VPS41: variants seen among roughly 807,000 people sequenced by gnomAD.
VPS41 encodes vacuolar protein sorting-associated protein 41 homolog.
Under a neutral mutation model 130.9 loss-of-function variants are expected in VPS41, and 85 were observed. That is an observed-to-expected ratio of 0.65 (90% CI 0.55 to 0.78). VPS41 has a LOEUF of 0.78. Among genes scored for constraint, VPS41 ranks in the 30% least tolerant of loss-of-function variants. The pLI is 0.00. For synonymous variants in VPS41, 335 were observed against 332.9 expected, an observed-to-expected ratio of 1.01 and a Z score of -0.07; for missense variants, 874 against 1,018.7, an observed-to-expected ratio of 0.86 and a Z score of 1.93.
At chr7:38,878,725 A>T (rs1786541202) in intron 2 of VPS41, among the ~76,000 whole-genome samples, 1 of 152,152 alleles carries the variant, frequency 6.6e-6, no homozygotes, top group African/African-American at 2.4e-5. Flanking sequence ...AAAGTTCAAC[A>T]CTTGTTTCTG....
At chr7:38,803,555 A>G (rs1262795086) in intron 7 of VPS41, among the ~76,000 whole-genome samples, 1 of 152,258 alleles carries the variant, frequency 6.6e-6, no homozygotes, top group Non-Finnish European at 1.5e-5. Context: ...AAATAGAGAA[A>G]TAGAGAATAG....
At chr7:38,855,517 G>T (rs1166082522) in intron 4 of VPS41, among the ~76,000 whole-genome samples, 3 of 152,148 alleles carry the variant, frequency 2.0e-5, no homozygotes, top group African/African-American at 4.8e-5. Flanking sequence ...GGAGAAAAAT[G>T]AAACCATCAT....
At chr7:38,844,222 A>T (rs1213693679) in intron 4 of VPS41, among the ~76,000 whole-genome samples, 1 of 152,234 alleles carries the variant, frequency 6.6e-6, no homozygotes, top group Non-Finnish European at 1.5e-5. Flanking sequence ...CTTCCCAGTG[A>T]TTTCAAACTA....
chr7:38,884,194 G>T (rs1786671554), intron 2 of VPS41, among the ~76,000 whole-genome samples: 1 of 152,194 alleles, frequency 6.6e-6, no homozygotes, highest in Non-Finnish European at 1.5e-5. Flanking sequence ...GATTTAAAAA[G>T]CTATCTCCTG....
intron 10 of VPS41, among the ~76,000 whole-genome samples, chr7:38,783,483 G>A (rs920299141): frequency 3.3e-5 from 5 of 152,032 alleles, no homozygotes; most frequent in African/African-American, 9.7e-5. Context: ...ACAGTGAGCC[G>A]AGATTGTGCC....
intron 7 of VPS41, among the ~76,000 whole-genome samples, chr7:38,797,619 C>T (rs2189853): frequency 0.72 from 108,844 of 152,102 alleles, 40,628 homozygotes; most frequent in African/African-American, 0.91. Flanking sequence ...TAACTTAAGG[C>T]ATGCAATCCT....
chr7:38,758,516 A>G, intron 17 of VPS41, 35 bp from the exon 18 acceptor site: 1 of 1,593,330 alleles, frequency 6.3e-7, no homozygotes, highest in Non-Finnish European at 8.5e-7. Flanking sequence ...AAGAACACTC[A>G]TTCAACAGAA....
intron 2 of VPS41, among the ~76,000 whole-genome samples, chr7:38,887,011 T>C (rs1399294033): frequency 1.3e-5 from 2 of 151,768 alleles, no homozygotes; most frequent in African/African-American, 4.8e-5. Flanking sequence ...AACACCAAAA[T>C]CCCATACATA....
chr7:38,898,068 G>A (rs1320265104), intron 2 of VPS41, 23 bp downstream of exon 2: 1 of 1,611,164 alleles, frequency 6.2e-7, no homozygotes, highest in South Asian at 1.1e-5. Flanking sequence ...ACAAATCCGA[G>A]GGCTCCTGAG....
At chr7:38,821,083 G>C in intron 6 of VPS41, 120 bp downstream of exon 6, 1 of 714,480 alleles carries the variant, frequency 1.4e-6, no homozygotes, top group Non-Finnish European at 2.5e-6. Flanking sequence ...TACATCTGAA[G>C]TGTTGAACAG....
intron 4 of VPS41, among the ~76,000 whole-genome samples, chr7:38,854,567 A>G (rs1196939559): frequency 1.3e-5 from 2 of 152,176 alleles, no homozygotes; most frequent in Admixed American, 1.3e-4. Context: ...ACAATTTCCT[A>G]TAATGTACAC....
chr7:38,725,730 T>C lies in VPS41; in HGVS notation c.*516A>G, dbSNP rs1185456173. On this transcript the variant is annotated 3_prime_UTR_variant, in exon 29 of 29. Transcript: ENST00000310301. ...ATCAAATGAGTGACAATTTGTACAA[T>C]GTTTCATTAAATGCCTATTTAGAGG... 2.6e-5 allele frequency: 4 copies of C among 154,178 alleles called. No homozygotes were observed. The highest frequency in any genetic ancestry group is 4.8e-5 in the African/African-American group (2 of 41,460). The allele number at this position is 154,178 out of a possible 1,614,324, so 9.6% of individuals were successfully genotyped here.
chr7:38,818,776 A>C (rs957285220), intron 6 of VPS41, among the ~76,000 whole-genome samples: 2 of 152,200 alleles, frequency 1.3e-5, no homozygotes, highest in African/African-American at 4.8e-5. Context: ...AATTTTTTTT[A>C]GGTAAACACA....
chr7:38,862,871 T>C (rs1786149981), intron 3 of VPS41, among the ~76,000 whole-genome samples: 1 of 152,134 alleles, frequency 6.6e-6, no homozygotes, highest in Admixed American at 6.5e-5. Flanking sequence ...TGACAACTAA[T>C]GGTGTGTATG....
At chr7:38,796,626 C>A in intron 8 of VPS41, 119 bp downstream of exon 8, 2 of 1,474,710 alleles carry the variant, frequency 1.4e-6, no homozygotes, top group Admixed American at 1.7e-5. Flanking sequence ...ATCGTCCTTA[C>A]ACCCTTTAGA....
At chr7:38,813,106 G>C (rs570165591) in intron 7 of VPS41, among the ~76,000 whole-genome samples, 139 of 152,170 alleles carry the variant, frequency 9.1e-4, no homozygotes, top group Non-Finnish European at 1.5e-3. Context: ...TAGCCAAAAA[G>C]TAGAAACAAT....
At chr7:38,773,832 A>C (rs1784201273) in intron 12 of VPS41, among the ~76,000 whole-genome samples, 1 of 152,126 alleles carries the variant, frequency 6.6e-6, no homozygotes, top group Non-Finnish European at 1.5e-5. Context: ...GTGTCACATT[A>C]AATAGTTAGG....
chr7:38,832,319 CTTT>C (rs543207806), intron 4 of VPS41, among the ~76,000 whole-genome samples: 1 of 114,738 alleles, frequency 8.7e-6, no homozygotes, highest in Non-Finnish European at 1.7e-5. Flanking sequence ...TTCTTTCTTT[CTTT>C]TTTTTTTTTT....
chr7:38,807,320 A>G (rs1784858777), intron 7 of VPS41, among the ~76,000 whole-genome samples: 1 of 152,230 alleles, frequency 6.6e-6, no homozygotes, highest in Non-Finnish European at 1.5e-5. Context: ...ATTGTTAGAC[A>G]GCTTGTACCA....
Sources: gnomAD v4.1 joint callset for allele counts (sites outside exome capture counted in the v4.1 genomes callset) on GRCh38, gnomAD v4.1.1 for gene constraint, MANE v1.5 for transcripts, NCBI Gene and HGNC (gene_info 2026-07-23, HGNC 2026-07-21) for gene names.